MYO18B: variants seen among roughly 807,000 people sequenced by gnomAD.
The protein encoded by MYO18B is myosin XVIIIB.
A neutral mutation model predicts 273.0 loss-of-function variants in MYO18B; 204 were observed. That is an observed-to-expected ratio of 0.75 (90% confidence interval 0.67 to 0.84). MYO18B has a LOEUF of 0.84. Among genes scored for constraint, MYO18B ranks in the 40% least tolerant of loss-of-function variants. MYO18B has a pLI of 0.00. For missense variants in MYO18B, 3,212 were observed against 3,287.6 expected, an observed-to-expected ratio of 0.98 and a Z score of 0.56; for synonymous variants, 1,330 against 1,305.7, an observed-to-expected ratio of 1.02 and a Z score of -0.40.
At chr22:26,029,036 A>G (rs1280611064) in intron 43 of MYO18B, among the ~76,000 whole-genome samples, 1 of 152,236 alleles carries the variant, frequency 6.6e-6, no homozygotes, top group Non-Finnish European at 1.5e-5. Context: ...ACTGAGTATC[A>G]GAAAGATTAA....
At chr22:25,980,342 G>T (rs1437974476) in intron 39 of MYO18B, among the ~76,000 whole-genome samples, 2 of 152,154 alleles carry the variant, frequency 1.3e-5, no homozygotes, top group African/African-American at 4.8e-5. Context: ...ACAGCTGAGG[G>T]CATTTTAAAA....
At chr22:25,847,373 T>C in intron 19 of MYO18B, 57 bp from the exon 20 acceptor site, 1 of 1,464,580 alleles carries the variant, frequency 6.8e-7, no homozygotes, top group Non-Finnish European at 9.3e-7. Context: ...GAGGGTCCAG[T>C]CCCCTTTCTG....
intron 39 of MYO18B, chr22:25,983,248 G>C (rs1419216445): frequency 6.6e-6 from 1 of 152,094 alleles, no homozygotes; most frequent in East Asian, 1.9e-4. Flanking sequence ...GTGCACCTGT[G>C]GTCCTAGCTA....
chr22:26,021,044 G>A (rs935808606), intron 42 of MYO18B, among the ~76,000 whole-genome samples: 3 of 152,154 alleles, frequency 2.0e-5, no homozygotes, highest in Non-Finnish European at 2.9e-5. Flanking sequence ...AGCCATGATC[G>A]TGCCACTGCT....
intron 39 of MYO18B, chr22:25,983,221 T>C (rs2146799986): frequency 6.6e-6 from 1 of 152,166 alleles, no homozygotes; most frequent in South Asian, 2.1e-4. Flanking sequence ...TGAAAAAACC[T>C]AAGTGGATGT....
intron 3 of MYO18B, among the ~76,000 whole-genome samples, chr22:25,765,736 G>A (rs2145567988): frequency 6.6e-6 from 1 of 152,278 alleles, no homozygotes; most frequent in South Asian, 2.1e-4. Context: ...TGACTTTGAA[G>A]GTCCAAAGGA....
chr22:25,995,213 C>G (rs1933101893), intron 40 of MYO18B, among the ~76,000 whole-genome samples: 1 of 152,188 alleles, frequency 6.6e-6, no homozygotes, highest in African/African-American at 2.4e-5. Flanking sequence ...CATATTCTCA[C>G]TTACTTGTGG....
chr22:25,980,071 G>C (rs535963207), intron 39 of MYO18B, among the ~76,000 whole-genome samples: 37 of 152,136 alleles, frequency 2.4e-4, no homozygotes, highest in Non-Finnish European at 8.8e-5. Context: ...GAGGACAGGG[G>C]TAGGAAACTC....
At chr22:25,832,142 G>A (rs1425184633) in intron 15 of MYO18B, among the ~76,000 whole-genome samples, 2 of 152,130 alleles carry the variant, frequency 1.3e-5, no homozygotes, top group Non-Finnish European at 2.9e-5. Context: ...TTGAACCCTT[G>A]TGCAGTATTG....
intron 11 of MYO18B, among the ~76,000 whole-genome samples, chr22:25,795,047 T>G (rs1208946644): frequency 6.6e-6 from 1 of 152,220 alleles, no homozygotes; most frequent in Non-Finnish European, 1.5e-5. Flanking sequence ...GACTCCACAC[T>G]GGGTCTGTGA....
At chr22:26,041,822 T>G in the MYO18B span, among the ~76,000 whole-genome samples, 1 of 152,176 alleles carries the variant, frequency 6.6e-6, no homozygotes, top group African/African-American at 2.4e-5. Context: ...AAAGTTGGAA[T>G]GGAGAAATGA....
At position 26,026,645 on chromosome 22, in the gene MYO18B, C is replaced by G; in HGVS notation, c.6671C>G (p.Ala2224Gly). ...AAGTCCACAGAGAGATTAGAACCTG[C>G]TTCCTCTCCCCTGGCTTCTCGGAGT... ...QRKSTERLEP[A>G]SSPLASRSTN... Residue 2224 changes from alanine (A) to glycine (G), a missense_variant, in exon 43 of 44, where the codon GCT becomes GGT. Transcript: ENST00000335473. 5.6e-6 allele frequency: 9 copies of G among 1,613,844 alleles called. No homozygotes were observed. The highest frequency in any genetic ancestry group is 6.8e-6 in the Non-Finnish European group (8 of 1,179,866).
intron 43 of MYO18B, among the ~76,000 whole-genome samples, chr22:26,029,092 T>C (rs956519634): frequency 1.4e-4 from 22 of 152,198 alleles, no homozygotes; most frequent in Admixed American, 1.3e-3. Flanking sequence ...TTTCCAGCTC[T>C]AGAATCCCTA....
rs149586947 is a variant in MYO18B, at chr22:25,843,104, G to A, written c.3209-631G>A. 1.3e-3 allele frequency among the ~76,000 whole-genome samples: 202 copies of A among 152,070 alleles called. 1 individual carries two copies. Among genetic ancestry groups the A allele is most frequent in the African/African-American group, 4.8e-3 (199 of 41,472 alleles). ...AGGAAACTGATGCTCAGAGACTTAC[G>A]GGGCTTGGCACCTTTCACACAGTAA... is the stretch of plus-strand genomic sequence containing the variant. On this transcript the variant is annotated intron_variant, in intron 17 of 43. Transcript: ENST00000335473.
chr22:25,975,162 A>C lies in MYO18B; in HGVS notation c.6157-17201A>C, dbSNP rs142827696. Among the ~76,000 whole-genome samples, 201 of 152,342 alleles carry C rather than the reference A, an allele frequency of 1.3e-3. 5 individuals are homozygous for C. In the South Asian group the frequency reaches 0.026, roughly 20 times the overall value. On this transcript the variant is annotated intron_variant, in intron 39 of 43. Coordinates refer to ENST00000335473, the MANE Select transcript of MYO18B (RefSeq NM_032608.7). ...GTGAATTTGATGAGGCTGTTCATCC[A>C]AGAGGCGTGCACAACCTGGCCATAA...
intron 34 of MYO18B, among the ~76,000 whole-genome samples, chr22:25,930,943 A>G (rs1302938173): frequency 2.0e-5 from 3 of 152,208 alleles, no homozygotes; most frequent in Non-Finnish European, 2.9e-5. Flanking sequence ...CCCTGGATTC[A>G]TGCTCAGTGC....
intron 7 of MYO18B, among the ~76,000 whole-genome samples, chr22:25,776,572 G>A (rs1323382949): frequency 1.3e-5 from 2 of 152,088 alleles, no homozygotes; most frequent in African/African-American, 2.4e-5. Flanking sequence ...ACTCCAGCCT[G>A]GGCAACAAGA....
intron 39 of MYO18B, among the ~76,000 whole-genome samples, chr22:25,967,584 G>GT (rs1343666483): frequency 1.3e-5 from 2 of 152,134 alleles, no homozygotes; most frequent in Admixed American, 1.3e-4. Context: ...AAGCGAAATG[G>GT]TTTTTTTGGG....
intron 17 of MYO18B, among the ~76,000 whole-genome samples, chr22:25,840,618 T>G (rs1386097305): frequency 6.6e-6 from 1 of 152,362 alleles, no homozygotes; most frequent in East Asian, 1.9e-4. Context: ...GAATACTTTT[T>G]ACAAAACTGA....
Sources: allele counts gnomAD v4.1 joint callset (sites outside exome capture counted in the v4.1 genomes callset), GRCh38; gene constraint gnomAD v4.1.1; transcripts MANE v1.5; gene names NCBI Gene and HGNC (gene_info 2026-07-23, HGNC 2026-07-21).